Variants in MCF2 observed in about 807,000 individuals in gnomAD.
MCF2 encodes proto-oncogene DBL.
Under a neutral mutation model 82.5 loss-of-function variants are expected in MCF2, and 44 were observed. That is an observed-to-expected ratio of 0.53 (90% CI 0.42 to 0.69). MCF2 has a LOEUF of 0.69. Ranked by LOEUF, MCF2 falls within the 30% of genes least tolerant of loss-of-function variation. MCF2 has a pLI of 0.00. For missense variants in MCF2, 623 were observed against 663.1 expected (o/e 0.94, Z 0.66); for synonymous variants, 217 against 224.9 (o/e 0.96, Z 0.32).
chrX:139,619,834 T>G, intron 6 of MCF2, 128 bp from the exon 10 acceptor site: 1 of 462,001 alleles, frequency 2.2e-6, no homozygotes. Context: ...ATTTGGTTAT[T>G]TTATTCACAG....
At chrX:139,598,527 A>G (rs772543314) in intron 16 of MCF2, 29 bp from the exon 21 acceptor site, 1 of 892,313 alleles carries the variant, frequency 1.1e-6, no homozygotes. Context: ...TATCAATAAA[A>G]TTAAATTAAG....
At chrX:139,651,137 G>A (rs66499315) in intron 2 of MCF2, among the ~76,000 whole-genome samples, 44,903 of 102,102 alleles carry the variant, frequency 0.44, 6,632 homozygotes, top group African/African-American at 0.49. Context: ...AAATGTAAAC[G>A]TACTTAATGC....
At chrX:139,589,205 T>C (rs1437540815) in intron 20 of MCF2, among the ~76,000 whole-genome samples, 1 of 111,818 alleles carries the variant, frequency 8.9e-6, no homozygotes, top group Non-Finnish European at 1.9e-5. Flanking sequence ...ATACCAAATA[T>C]TATATCTTAA....
chrX:139,632,600 T>C, intron 1 of MCF2, 146 bp from the exon 5 acceptor site: 1 of 403,307 alleles, frequency 2.5e-6, no homozygotes, highest in Non-Finnish European at 4.2e-6. Flanking sequence ...AAATGGATAT[T>C]GATAAAATCT....
rs778987064 is a variant in MCF2 at position 139,706,668 on chromosome X, C to A, written c.-45+1438G>T. Among the ~76,000 whole-genome samples the A allele has an allele frequency of 5.5e-5, 6 of 109,673 alleles. No homozygotes were observed. The South Asian group carries it at 2.4e-3, about 43-fold the overall frequency. Reference sequence around the variant, plus strand: ...TTAAGCCTCAGCATCATGTAATATTCCCATATGACAAATCTGCACATGTAC... The same window carrying A: ...TTAAGCCTCAGCATCATGTAATATTACCATATGACAAATCTGCACATGTAC... On this transcript the variant is annotated intron_variant, in intron 1 of 27. Coordinates refer to the MCF2 transcript ENST00000414978.
chrX:139,676,521 C>T (rs1208648092), intron 1 of MCF2, among the ~76,000 whole-genome samples: 1 of 111,929 alleles, frequency 8.9e-6, no homozygotes. Context: ...ATAGCATACT[C>T]CTTATGAGTT....
At chrX:139,616,619 G>A in intron 8 of MCF2, 146 bp from the exon 12 acceptor site, 1 of 329,438 alleles carries the variant, frequency 3.0e-6, no homozygotes, top group Non-Finnish European at 5.3e-6. Context: ...AGATATCTGG[G>A]TTCTGCCCCC....
intron 1 of MCF2, among the ~76,000 whole-genome samples, chrX:139,694,153 A>T (rs1438367531): frequency 8.9e-6 from 1 of 111,876 alleles, no homozygotes; most frequent in African/African-American, 3.2e-5. Context: ...TTGTAATTCC[A>T]TTTTTTAAAA....
intron 1 of MCF2, among the ~76,000 whole-genome samples, chrX:139,668,416 G>T (rs4824856): frequency 9.0e-6 from 1 of 110,792 alleles, no homozygotes; most frequent in East Asian, 2.9e-4. Context: ...TCCATCTCAC[G>T]GTCTCCTGGT....
chrX:139,688,157 CTG>C (rs2148572533), intron 1 of MCF2, among the ~76,000 whole-genome samples: 1 of 111,855 alleles, frequency 8.9e-6, no homozygotes, highest in Admixed American at 9.5e-5. Context: ...GCAGAACAAT[CTG>C]TCCCCATTTA....
At chrX:139,702,505 A>G (rs1463305204) in intron 1 of MCF2, 1 of 112,894 alleles carries the variant, frequency 8.9e-6, no homozygotes, top group Non-Finnish European at 1.9e-5. Context: ...AATCTCTGAA[A>G]GAAACAGACG....
At chrX:139,602,439 A>T (rs755151575) in exon 16 of MCF2, 1 of 1,205,923 alleles carries the variant, frequency 8.3e-7, no homozygotes, top group Admixed American at 2.2e-5. Context: ...ACTTCCTCCA[A>T]ATTGTTTCTG....
chrX:139,613,304 G>GA, intron 10 of MCF2, 41 bp from the exon 14 acceptor site: 3 of 991,295 alleles, frequency 3.0e-6, no homozygotes, highest in Non-Finnish European at 4.2e-6. Flanking sequence ...AAGAATATCA[G>GA]AAAAAAATGA....
At chrX:139,600,736 C>T (rs957634671) in intron 16 of MCF2, among the ~76,000 whole-genome samples, 8 of 111,237 alleles carry the variant, frequency 7.2e-5, no homozygotes, top group Non-Finnish European at 1.5e-4. Flanking sequence ...GTCAATAAAC[C>T]CACATATGCC....
At chrX:139,642,407 G>A in intron 1 of MCF2, 2 of 1,201,026 alleles carry the variant, frequency 1.7e-6, no homozygotes. Context: ...GCACCATGCT[G>A]CAGCATCCCA....
intron 1 of MCF2, among the ~76,000 whole-genome samples, chrX:139,696,298 CTTTT>C (rs1569405676): frequency 2.2e-5 from 2 of 92,393 alleles, no homozygotes; most frequent in South Asian, 1.5e-3. Flanking sequence ...TCCTTCCTTT[CTTTT>C]TCTTTCTTTT....
intron 15 of MCF2, among the ~76,000 whole-genome samples, chrX:139,604,150 T>C (rs751472114): frequency 1.8e-5 from 2 of 111,445 alleles, no homozygotes; most frequent in Admixed American, 1.9e-4. Context: ...CACAGAGGAA[T>C]GGGCCTCCCT....
At chrX:139,588,542 C>T in intron 20 of MCF2, 104 bp from the exon 25 acceptor site, 2 of 481,192 alleles carry the variant, frequency 4.2e-6, no homozygotes, top group South Asian at 8.0e-5. Flanking sequence ...ATATGATCTA[C>T]TCCCTATAAC....
At chrX:139,665,401 G>A (rs1291332622) in intron 1 of MCF2, among the ~76,000 whole-genome samples, 3 of 111,825 alleles carry the variant, frequency 2.7e-5, no homozygotes, top group Non-Finnish European at 3.8e-5. Context: ...CACTTTGTGA[G>A]TGGGCATCAG....
Sources: allele counts gnomAD v4.1 joint callset (sites outside exome capture counted in the v4.1 genomes callset), GRCh38; gene constraint gnomAD v4.1.1; transcripts MANE v1.5; gene names NCBI Gene and HGNC (gene_info 2026-07-23, HGNC 2026-07-21).